The following NGLY1 variants were observed in gnomAD, a reference collection of about 807,000 sequenced individuals.
The protein encoded by NGLY1 is N-glycanase 1, also known as peptide-N(4)-(N-acetyl-beta-glucosaminyl)asparagine amidase.
NGLY1 carries 68 observed loss-of-function variants against 84.6 expected under a neutral mutation model. The ratio of observed to expected loss-of-function variants is 0.80; its 90% confidence interval spans 0.66 to 0.98. The LOEUF is 0.98. Ranked by LOEUF, NGLY1 falls within the 50% of genes least tolerant of loss-of-function variation. The probability of loss-of-function intolerance (pLI) is 0.00; values close to 1 mark genes in which losing one functional copy is unlikely to be tolerated. For missense variants in NGLY1, 779 were observed against 770.2 expected, an observed-to-expected ratio of 1.01 and a Z score of -0.14; for synonymous variants, 280 against 275.2, an observed-to-expected ratio of 1.02 and a Z score of -0.17.
chr3:25,763,955 A>G, intron 3 of NGLY1, 111 bp downstream of exon 3: 2 of 1,401,682 alleles, frequency 1.4e-6, no homozygotes, highest in Non-Finnish European at 1.9e-6. Flanking sequence ...ATAAGAACTA[A>G]GAACAAAATA....
At chr3:25,756,287 C>T (rs567544496) in intron 3 of NGLY1, among the ~76,000 whole-genome samples, 1 of 152,156 alleles carries the variant, frequency 6.6e-6, no homozygotes, top group Non-Finnish European at 1.5e-5. Context: ...AAAGGCCATA[C>T]CTGGAATTTA....
At chr3:25,746,365 C>A (rs1246432767) in intron 4 of NGLY1, among the ~76,000 whole-genome samples, 3 of 152,146 alleles carry the variant, frequency 2.0e-5, no homozygotes, top group Non-Finnish European at 4.4e-5. Flanking sequence ...TCATTTCTTT[C>A]CTATTTTAAT....
intron 10 of NGLY1, 38 bp downstream of exon 10, chr3:25,729,095 A>T (rs747145407): frequency 1.5e-6 from 2 of 1,303,740 alleles, no homozygotes; most frequent in South Asian, 4.7e-5. Flanking sequence ...TGTTTAAACA[A>T]TGACAAAAGT....
chr3:25,765,669 G>T (rs1035703619), intron 2 of NGLY1, among the ~76,000 whole-genome samples: 1 of 152,042 alleles, frequency 6.6e-6, no homozygotes, highest in Non-Finnish European at 1.5e-5. Context: ...CAAGCTCCAC[G>T]TATGATTCAT....
intron 10 of NGLY1, among the ~76,000 whole-genome samples, chr3:25,722,193 G>C (rs1439978753): frequency 6.6e-6 from 1 of 151,132 alleles, no homozygotes; most frequent in Non-Finnish European, 1.5e-5. Context: ...CTCCAGCCCG[G>C]GTGACAGAGC....
At chr3:25,777,277 C>A (rs566221201) in intron 2 of NGLY1, among the ~76,000 whole-genome samples, 2 of 151,964 alleles carry the variant, frequency 1.3e-5, no homozygotes, top group East Asian at 3.9e-4. Context: ...TGCCTTTAAT[C>A]CCAGCTACTC....
chr3:25,789,834 T>C, intron 1 of NGLY1: 3 of 1,551,560 alleles, frequency 1.9e-6, no homozygotes, highest in Non-Finnish European at 2.6e-6. Flanking sequence ...CAAAGAAAAA[T>C]GCCTTTTTGA....
chr3:25,752,118 T>C (rs1183421053), intron 3 of NGLY1, among the ~76,000 whole-genome samples: 1 of 152,202 alleles, frequency 6.6e-6, no homozygotes, highest in East Asian at 1.9e-4. Context: ...ACTAATCCTG[T>C]AGCAATGACA....
chr3:25,779,396 T>TA (rs1026491942), intron 1 of NGLY1, among the ~76,000 whole-genome samples: 3 of 152,232 alleles, frequency 2.0e-5, no homozygotes, highest in South Asian at 2.1e-4. Context: ...CAGAATTGTT[T>TA]AAAAAAAATT....
chr3:25,736,192 G>C, intron 6 of NGLY1, 43 bp from the exon 7 acceptor site: 1 of 1,598,410 alleles, frequency 6.3e-7, no homozygotes, highest in Admixed American at 1.7e-5. Context: ...AAAAGACAAT[G>C]AAATCAGAAT....
chr3:25,736,158 G>C lies in NGLY1; in HGVS notation c.1004-9C>G, dbSNP rs1319678212. ...TTCTGTCCAGACATGGTCTACTCAA[G>C]TAAGAGAAAAGAGAGCAATGGAAAA... On this transcript the variant is annotated splice_polypyrimidine_tract_variant and intron_variant, in intron 6 of 11. Coordinates refer to ENST00000280700, the MANE Select transcript of NGLY1 (RefSeq NM_018297.4). 1 of 1,609,254 alleles carries C rather than the reference G, an allele frequency of 6.2e-7. No individual in the cohort carries two copies. The highest frequency in any genetic ancestry group is 1.1e-5 in the South Asian group (1 of 90,212).
At chr3:25,727,873 A>G (rs757694720) in intron 10 of NGLY1, among the ~76,000 whole-genome samples, 1 of 152,184 alleles carries the variant, frequency 6.6e-6, no homozygotes, top group Non-Finnish European at 1.5e-5. Flanking sequence ...TCTCCATTTT[A>G]GCAAGTATAG....
chr3:25,786,595 A>G (rs1708608259), upstream of NGLY1, among the ~76,000 whole-genome samples: 1 of 152,214 alleles, frequency 6.6e-6, no homozygotes, highest in Non-Finnish European at 1.5e-5. Flanking sequence ...AGCCAGGAAA[A>G]TGAGAGACCA....
chr3:25,775,503 G>A (rs1052509227), intron 2 of NGLY1, among the ~76,000 whole-genome samples: 1 of 152,176 alleles, frequency 6.6e-6, no homozygotes. Context: ...GGATGGAAAT[G>A]GAGGGACATT....
At chr3:25,756,623 C>A (rs1707048874) in intron 3 of NGLY1, among the ~76,000 whole-genome samples, 2 of 152,172 alleles carry the variant, frequency 1.3e-5, no homozygotes, top group African/African-American at 4.8e-5. Flanking sequence ...CTAGGCAAAA[C>A]CAATGAAGAA....
chr3:25,729,344 T>G, intron 9 of NGLY1, 26 bp from the exon 10 acceptor site: 4 of 1,290,200 alleles, frequency 3.1e-6, no homozygotes, highest in Non-Finnish European at 4.0e-6. Flanking sequence ...GAATTAGTTT[T>G]TCAACATTAT....
chr3:25,780,143 G>C (rs1267352075), intron 1 of NGLY1, among the ~76,000 whole-genome samples: 1 of 152,164 alleles, frequency 6.6e-6, no homozygotes, highest in Non-Finnish European at 1.5e-5. Flanking sequence ...ATCACAGATG[G>C]TTGTGAAATA....
chr3:25,750,763 T>C (rs146903670), intron 4 of NGLY1, among the ~76,000 whole-genome samples: 3 of 152,322 alleles, frequency 2.0e-5, no homozygotes, highest in African/African-American at 4.8e-5. Context: ...GTATTTATAA[T>C]GTATAACACT....
At chr3:25,760,660 G>A (rs1221584074) in intron 3 of NGLY1, among the ~76,000 whole-genome samples, 1 of 152,024 alleles carries the variant, frequency 6.6e-6, no homozygotes, top group Non-Finnish European at 1.5e-5. Context: ...GGGAGTTCGA[G>A]ACCAGCCTGA....
Sources: gnomAD v4.1 joint callset for allele counts (sites outside exome capture counted in the v4.1 genomes callset) on GRCh38, gnomAD v4.1.1 for gene constraint, MANE v1.5 for transcripts, NCBI Gene and HGNC (gene_info 2026-07-23, HGNC 2026-07-21) for gene names.